LAMB1: variants seen among roughly 807,000 people sequenced by gnomAD.
LAMB1 encodes the protein laminin subunit beta-1.
In LAMB1, 121 loss-of-function variants were observed where a neutral mutation model predicts 222.3. The ratio of observed to expected loss-of-function variants is 0.54; its 90% confidence interval spans 0.47 to 0.63. LAMB1 has a LOEUF of 0.63. LAMB1 is among the 30% of genes least tolerant of loss of function. LAMB1 has a pLI of 0.00. For missense variants in LAMB1, 2,172 were observed against 2,240.8 expected (o/e 0.97, Z 0.62); for synonymous variants, 794 against 807.2 (o/e 0.98, Z 0.28).
At position 107,937,236 on chromosome 7, in the gene LAMB1, T is replaced by A; in HGVS notation, c.3803A>T (p.Glu1268Val). 1 of 1,613,970 alleles carries A rather than the reference T, an allele frequency of 6.2e-7. No individual in the cohort carries two copies. The highest frequency in any genetic ancestry group is 8.5e-7 in the Non-Finnish European group (1 of 1,179,888). Residue 1268 changes from glutamate to valine, a missense_variant, in exon 26 of 34, where the codon GAA becomes GTA. Transcript: ENST00000222399. Reference protein sequence around the residue: ...KDVTEMMAQVEVKLSDTTSQS... With the variant: ...KDVTEMMAQVVVKLSDTTSQS... ...GGAAGTTGTGTCAGATAATTTCACT[T>A]CTACTTGAGCCATCATTTCTGTAAC...
chr7:107,971,521 C>T (rs2033748797), intron 13 of LAMB1, among the ~76,000 whole-genome samples: 1 of 152,178 alleles, frequency 6.6e-6, no homozygotes. Context: ...AAAAGGCTCA[C>T]CATAAAACAC....
intron 13 of LAMB1, among the ~76,000 whole-genome samples, chr7:107,966,509 A>G (rs1211220941): frequency 6.6e-6 from 1 of 152,164 alleles, no homozygotes. Flanking sequence ...ACGCCCAGCC[A>G]GGAATAGGAA....
At chr7:107,998,519 C>G in intron 3 of LAMB1, 27 bp from the exon 4 acceptor site, 1 of 1,593,284 alleles carries the variant, frequency 6.3e-7, no homozygotes, top group Non-Finnish European at 8.6e-7. Context: ...GTTCATCAGT[C>G]TAGAAAGCAA....
intron 28 of LAMB1, 68 bp from the exon 29 acceptor site, chr7:107,931,568 A>G: frequency 7.1e-7 from 1 of 1,404,836 alleles, no homozygotes; most frequent in Non-Finnish European, 9.8e-7. Flanking sequence ...GAATATTGGA[A>G]ATGGCTCAAA....
chr7:107,931,585 G>A (rs2032712875), intron 28 of LAMB1, 85 bp from the exon 29 acceptor site: 1 of 1,258,066 alleles, frequency 7.9e-7, no homozygotes, highest in African/African-American at 1.5e-5. Flanking sequence ...CAAAAATGAT[G>A]TTGAAAAACT....
At chr7:107,967,775 C>A (rs2033663979) in intron 13 of LAMB1, among the ~76,000 whole-genome samples, 2 of 152,070 alleles carry the variant, frequency 1.3e-5, no homozygotes, top group Admixed American at 1.3e-4. Context: ...AAAAAATAGT[C>A]CCTGTCTTCA....
At chr7:107,972,894 G>A in intron 13 of LAMB1, 98 bp downstream of exon 13, 1 of 930,112 alleles carries the variant, frequency 1.1e-6, no homozygotes, top group Non-Finnish European at 1.8e-6. Context: ...AAAATATTTT[G>A]CATGTCTTTT....
chr7:107,946,031 T>C (rs558917580), intron 24 of LAMB1, among the ~76,000 whole-genome samples: 1 of 152,338 alleles, frequency 6.6e-6, no homozygotes, highest in East Asian at 1.9e-4. Flanking sequence ...CTCTATACCA[T>C]TGGTCACTCA....
intron 5 of LAMB1, 67 bp from the exon 6 acceptor site, chr7:107,986,430 G>A: frequency 1.4e-6 from 2 of 1,379,908 alleles, no homozygotes; most frequent in Non-Finnish European, 9.9e-7. Context: ...TTTAATCTCA[G>A]GTAAAAATGT....
chr7:107,947,318 G>T (rs2033138984), intron 24 of LAMB1, among the ~76,000 whole-genome samples: 1 of 152,164 alleles, frequency 6.6e-6, no homozygotes, highest in Non-Finnish European at 1.5e-5. Flanking sequence ...TAGCTAGTTG[G>T]CATCAGAAAG....
intron 32 of LAMB1, among the ~76,000 whole-genome samples, chr7:107,924,680 T>TTAC (rs2032519465): frequency 6.6e-6 from 1 of 152,194 alleles, no homozygotes; most frequent in African/African-American, 2.4e-5. Flanking sequence ...GTATTGCAAA[T>TTAC]TACATAGAGA....
At chr7:107,926,490 A>T (rs2032570653) in intron 31 of LAMB1, 131 bp from the exon 32 acceptor site, 3 of 646,428 alleles carry the variant, frequency 4.6e-6, no homozygotes, top group Non-Finnish European at 5.2e-6. Flanking sequence ...ATTACTAAAA[A>T]GAATATTTCA....
rs2032488228 is a variant in LAMB1, at chr7:107,923,867, GT to G, written c.*83del. 1 of 1,242,654 alleles carries G rather than the reference GT, an allele frequency of 8.0e-7. No individual in the cohort carries two copies. Among genetic ancestry groups the G allele is most frequent in the African/African-American group, 1.6e-5 (1 of 63,664 alleles). 77.0% of individuals were successfully genotyped at this position (1,242,654 alleles called of 1,614,324 possible). On this transcript the variant is annotated 3_prime_UTR_variant, in exon 34 of 34. Coordinates refer to ENST00000222399, the MANE Select transcript of LAMB1 (RefSeq NM_002291.3). ...TGATTAAAAACATTAAATAGGTGATGTTTTATTTTGAAGAGCATTAAGTCAG... is the reference window on the plus strand; with the variant it reads ...TGATTAAAAACATTAAATAGGTGATGTTTATTTTGAAGAGCATTAAGTCAG...
At chr7:107,973,562 A>G (rs2033794568) in intron 12 of LAMB1, among the ~76,000 whole-genome samples, 2 of 152,228 alleles carry the variant, frequency 1.3e-5, no homozygotes, top group Admixed American at 1.3e-4. Context: ...AGCACCAGAG[A>G]TGGAAATAAA....
chr7:107,927,973 A>G (rs1021986161), intron 31 of LAMB1, among the ~76,000 whole-genome samples: 1 of 152,232 alleles, frequency 6.6e-6, no homozygotes, highest in Non-Finnish European at 1.5e-5. Flanking sequence ...GTATGGGAGC[A>G]TTTAATTTCA....
chr7:107,951,964 A>G, intron 23 of LAMB1, 45 bp downstream of exon 23: 1 of 1,521,532 alleles, frequency 6.6e-7, no homozygotes, highest in Non-Finnish European at 9.0e-7. Flanking sequence ...CCATGGGCTG[A>G]CACCTGAGCT....
chr7:107,927,347 C>A (rs1363437728), intron 31 of LAMB1, among the ~76,000 whole-genome samples: 2 of 152,168 alleles, frequency 1.3e-5, no homozygotes, highest in Non-Finnish European at 2.9e-5. Context: ...CTTCCTGCCC[C>A]CTAGGGCCCC....
At chr7:107,992,013 T>C (rs2034193670) in intron 5 of LAMB1, among the ~76,000 whole-genome samples, 1 of 152,062 alleles carries the variant, frequency 6.6e-6, no homozygotes, top group Non-Finnish European at 1.5e-5. Context: ...CCTTTGCATC[T>C]AATCTGCTTT....
intron 25 of LAMB1, among the ~76,000 whole-genome samples, chr7:107,937,970 A>G (rs55846192): frequency 0.011 from 1,749 of 152,234 alleles, 34 homozygotes; most frequent in African/African-American, 0.04. Context: ...TTTGACATCT[A>G]TTTGTATATT....
Sources: gnomAD v4.1 joint callset for allele counts (sites outside exome capture counted in the v4.1 genomes callset) on GRCh38, gnomAD v4.1.1 for gene constraint, MANE v1.5 for transcripts, NCBI Gene and HGNC (gene_info 2026-07-23, HGNC 2026-07-21) for gene names.